NLGN4Y: variants seen among roughly 807,000 people sequenced by gnomAD.
NLGN4Y encodes neuroligin-4, Y-linked.
In NLGN4Y, 4 loss-of-function variants were observed where a neutral mutation model predicts 8.4. The ratio of observed to expected loss-of-function variants is 0.48; its 90% confidence interval spans 0.23 to 1.09. NLGN4Y has a LOEUF of 1.09. NLGN4Y is among the 50% of genes least tolerant of loss of function. NLGN4Y has a pLI of 0.19. For missense variants in NLGN4Y, 90 were observed against 192.3 expected, an observed-to-expected ratio of 0.47 and a Z score of 3.15; for synonymous variants, 35 against 75.6, an observed-to-expected ratio of 0.46 and a Z score of 2.78.
chrY:14,758,908 G>C, intron 4 of NLGN4Y, among the ~76,000 whole-genome samples: 2 of 33,859 alleles, frequency 5.9e-5, no homozygotes, highest in East Asian at 1.6e-3. Flanking sequence ...ATGCTTTTAA[G>C]AGACTTTTCA....
At chrY:14,565,040 A>G in intron 1 of NLGN4Y, among the ~76,000 whole-genome samples, 25 of 32,863 alleles carry the variant, frequency 7.6e-4, no homozygotes. Context: ...GACCAATGGT[A>G]GATAAATCCA....
At chrY:14,772,852 C>T in intron 4 of NLGN4Y, among the ~76,000 whole-genome samples, 5 of 32,636 alleles carry the variant, frequency 1.5e-4, no homozygotes, top group Non-Finnish European at 3.8e-4. Flanking sequence ...AAAAGGCCTT[C>T]GGTAAAAATT....
At chrY:14,546,712 T>C (rs2080173626) in intron 1 of NLGN4Y, among the ~76,000 whole-genome samples, 1 of 32,925 alleles carries the variant, frequency 3.0e-5, no homozygotes, top group East Asian at 7.9e-4. Context: ...TACAATCATG[T>C]CATCTGCAAA....
At chrY:14,795,042 T>G (rs2043001459) in intron 4 of NLGN4Y, among the ~76,000 whole-genome samples, 1 of 32,710 alleles carries the variant, frequency 3.1e-5, no homozygotes, top group Non-Finnish European at 7.5e-5. Context: ...GCCTGGCAAA[T>G]TTTTGTATTT....
intron 4 of NLGN4Y, among the ~76,000 whole-genome samples, chrY:14,756,862 T>TATAC (rs2150568342): frequency 2.9e-4 from 1 of 3,436 alleles, no homozygotes; most frequent in African/African-American, 9.3e-4. Flanking sequence ...ATACATATTT[T>TATAC]ATACATATAT....
intron 2 of NLGN4Y, among the ~76,000 whole-genome samples, chrY:14,664,177 A>G (rs2080685152): frequency 3.0e-5 from 1 of 33,505 alleles, no homozygotes; most frequent in Non-Finnish European, 7.4e-5. Flanking sequence ...AAAGCTTAAT[A>G]TTTGTGAAGT....
chrY:14,790,366 C>T (rs2042980965), intron 4 of NLGN4Y, among the ~76,000 whole-genome samples: 1 of 33,083 alleles, frequency 3.0e-5, no homozygotes. Flanking sequence ...TATGAGTGCA[C>T]ATTAACAGTA....
At chrY:14,631,190 C>G (rs765047401) in intron 2 of NLGN4Y, among the ~76,000 whole-genome samples, 6 of 33,124 alleles carry the variant, frequency 1.8e-4, no homozygotes, top group Admixed American at 1.6e-3. Context: ...CCTCAGCCTC[C>G]TGAGTTGCTG....
chrY:14,543,955 T>C (rs909565643), intron 1 of NLGN4Y, among the ~76,000 whole-genome samples: 2 of 33,506 alleles, frequency 6.0e-5, no homozygotes, highest in African/African-American at 1.2e-4. Flanking sequence ...ATCATTAGGG[T>C]ATTTCTAGGT....
At chrY:14,746,214 C>A (rs2081023612) in intron 4 of NLGN4Y, among the ~76,000 whole-genome samples, 1 of 33,472 alleles carries the variant, frequency 3.0e-5, no homozygotes, top group Non-Finnish European at 7.4e-5. Context: ...GGTTCTGTGG[C>A]CAGTACCATC....
intron 2 of NLGN4Y, among the ~76,000 whole-genome samples, chrY:14,686,288 G>A (rs2080791096): frequency 6.1e-5 from 2 of 32,947 alleles, no homozygotes; most frequent in Admixed American, 5.6e-4. Flanking sequence ...CCCTCTAACA[G>A]AATACTGGCT....
chrY:14,758,108 G>C (rs1051946543), intron 4 of NLGN4Y, among the ~76,000 whole-genome samples: 7 of 33,795 alleles, frequency 2.1e-4, no homozygotes, highest in Non-Finnish European at 4.4e-4. Flanking sequence ...CAAGGTCTTT[G>C]AACGCCCTTC....
At chrY:14,586,363 C>A (rs2080340627) in intron 1 of NLGN4Y, among the ~76,000 whole-genome samples, 1 of 33,083 alleles carries the variant, frequency 3.0e-5, no homozygotes, top group Non-Finnish European at 7.4e-5. Context: ...AATAGAGTAA[C>A]TTTAGCAAAT....
intron 1 of NLGN4Y, among the ~76,000 whole-genome samples, chrY:14,574,763 A>T: frequency 3.0e-5 from 1 of 33,328 alleles, no homozygotes; most frequent in Admixed American, 2.7e-4. Flanking sequence ...GCTTCCTTCA[A>T]AAGCTCTTGT....
At chrY:14,677,913 C>G (rs756620545) in intron 2 of NLGN4Y, among the ~76,000 whole-genome samples, 1 of 31,524 alleles carries the variant, frequency 3.2e-5, no homozygotes, top group South Asian at 7.4e-4. Flanking sequence ...TTTGTGGAGA[C>G]AGAGTCCCAT....
chrY:14,705,288 C>T (rs780751155), intron 2 of NLGN4Y, among the ~76,000 whole-genome samples: 1 of 33,060 alleles, frequency 3.0e-5, no homozygotes, highest in African/African-American at 1.2e-4. Flanking sequence ...AGCTTAATCA[C>T]GGTAGACATG....
intron 2 of NLGN4Y, among the ~76,000 whole-genome samples, chrY:14,663,858 C>A: frequency 3.1e-5 from 1 of 32,594 alleles, no homozygotes; most frequent in South Asian, 7.0e-4. Context: ...GGGGTTTTTT[C>A]TTTATTTTTT....
chrY:14,808,242 G>A (rs957490330), intron 4 of NLGN4Y, among the ~76,000 whole-genome samples: 2 of 33,293 alleles, frequency 6.0e-5, no homozygotes, highest in Admixed American at 2.7e-4. Context: ...ATGTTGGCCA[G>A]GCAGACCTTG....
intron 1 of NLGN4Y, among the ~76,000 whole-genome samples, chrY:14,547,361 G>C: frequency 3.0e-5 from 1 of 33,837 alleles, no homozygotes; most frequent in Non-Finnish European, 7.3e-5. Context: ...CACACTCTTA[G>C]AACTTGATCT....
Sources: gnomAD v4.1 joint callset for allele counts (sites outside exome capture counted in the v4.1 genomes callset) on GRCh38, gnomAD v4.1.1 for gene constraint, MANE v1.5 for transcripts, NCBI Gene and HGNC (gene_info 2026-07-23, HGNC 2026-07-21) for gene names.